SIDT1: variants seen among roughly 807,000 people sequenced by gnomAD.
SIDT1 encodes SID1 transmembrane family member 1, also known as SID1 transmembrane family, member 1.
Under a neutral mutation model 107.5 loss-of-function variants are expected in SIDT1, and 101 were observed. That is an observed-to-expected ratio of 0.94 (90% CI 0.80 to 1.11). The LOEUF (loss-of-function observed/expected upper bound fraction) is 1.11, where lower values mean the gene tolerates loss of function less well. SIDT1 is among the 50% of genes least tolerant of loss of function. The pLI, the probability that SIDT1 is intolerant of heterozygous loss-of-function variation, is 0.00. For synonymous variants in SIDT1, 395 were observed against 398.2 expected (o/e 0.99, Z 0.10); for missense variants, 1,076 against 1,058.2 (o/e 1.02, Z -0.23).
chr3:113,553,535 AAAT>A (rs1245824641), intron 1 of SIDT1, among the ~76,000 whole-genome samples: 1 of 152,216 alleles, frequency 6.6e-6, no homozygotes, highest in Admixed American at 6.5e-5. Flanking sequence ...CAAACCAGAA[AAAT>A]AATTATTTTT....
In SIDT1 at chr3:113,607,105, G is replaced by A. The variant is rs1294118423; in HGVS notation, c.1469G>A (p.Gly490Asp). 1 of 1,610,434 alleles carries A rather than the reference G, an allele frequency of 6.2e-7. No individual in the cohort carries two copies. The highest frequency in any genetic ancestry group is 1.7e-5 in the Admixed American group (1 of 59,996). Reference sequence around the variant, plus strand: ...AACTTCCTCTGTGCTCACCCCTTGGGCGTCCTGAGGTAAACCCAGTCCTCT... The same window carrying A: ...AACTTCCTCTGTGCTCACCCCTTGGACGTCCTGAGGTAAACCCAGTCCTCT... ...YYNFLCAHPLGVLSAFNNILS... is the reference protein window; with the variant it reads ...YYNFLCAHPLDVLSAFNNILS... The change falls in exon 15 of 25, where the codon GGC (glycine) becomes GAC (aspartate). Residue 490 changes from glycine (G) to aspartate (D), a missense_variant. Transcript: ENST00000264852.
chr3:113,594,470 A>G (rs1315862361), intron 10 of SIDT1, among the ~76,000 whole-genome samples: 1 of 152,112 alleles, frequency 6.6e-6, no homozygotes, highest in Non-Finnish European at 1.5e-5. Context: ...CCTACATCCA[A>G]TCGATTGAAT....
At chr3:113,622,463 C>CAAAAA (rs765265068) in intron 21 of SIDT1, among the ~76,000 whole-genome samples, 1 of 57,988 alleles carries the variant, frequency 1.7e-5, no homozygotes, top group Admixed American at 2.4e-4. Context: ...GACTCCATCT[C>CAAAAA]AAAAAAAAAA....
At chr3:113,538,807 A>G (rs1306487330) in intron 1 of SIDT1, among the ~76,000 whole-genome samples, 1 of 152,208 alleles carries the variant, frequency 6.6e-6, no homozygotes, top group Non-Finnish European at 1.5e-5. Flanking sequence ...CGGCAGAAAG[A>G]AAGGGGAAAG....
chr3:113,612,368 G>A (rs749085289), intron 19 of SIDT1, 174 bp downstream of exon 19: 7 of 672,690 alleles, frequency 1.0e-5, no homozygotes. Context: ...CTCCCTTATA[G>A]GATAGTGATA....
intron 1 of SIDT1, among the ~76,000 whole-genome samples, chr3:113,544,203 GTTT>G (rs1939298088): frequency 8.7e-6 from 1 of 114,846 alleles, no homozygotes; most frequent in Non-Finnish European, 1.7e-5. Flanking sequence ...TTGTTTGTTT[GTTT>G]GTTTAAATGG....
chr3:113,538,746 T>C (rs1938473981), intron 1 of SIDT1, among the ~76,000 whole-genome samples: 1 of 152,206 alleles, frequency 6.6e-6, no homozygotes, highest in Admixed American at 6.5e-5. Context: ...CATAGCTTTG[T>C]TGGAGGAAAT....
intron 1 of SIDT1, among the ~76,000 whole-genome samples, chr3:113,562,700 G>A (rs1941542941): frequency 6.6e-6 from 1 of 152,196 alleles, no homozygotes; most frequent in Admixed American, 6.5e-5. Flanking sequence ...AGGGACTGGG[G>A]GAAGGAAGGA....
chr3:113,547,498 G>A (rs1273962515), intron 1 of SIDT1, among the ~76,000 whole-genome samples: 2 of 151,932 alleles, frequency 1.3e-5, no homozygotes, highest in Non-Finnish European at 2.9e-5. Flanking sequence ...TTTTTGCTGT[G>A]ACAATAATAA....
rs865975250 is a variant in SIDT1, at chr3:113,532,736, G to C, written c.-286G>C. ...GGGGGGATTCTCGGCGATGAGAAAC[G>C]GGGGACTTAGAAGCCGGAGGAAAAT... On this transcript the variant is annotated 5_prime_UTR_variant, in exon 1 of 25. Coordinates refer to ENST00000264852, the MANE Select transcript of SIDT1 (RefSeq NM_017699.3). The C allele has an allele frequency of 5.5e-5, 19 of 344,598 alleles. No individual in the cohort carries two copies. In the South Asian group the frequency reaches 2.7e-3, roughly 50 times the overall value. The allele number at this position is 344,598 out of a possible 1,614,324, so 21.3% of individuals were successfully genotyped here.
intron 6 of SIDT1, 121 bp downstream of exon 6, chr3:113,581,565 T>G: frequency 2.5e-6 from 2 of 798,642 alleles, no homozygotes. Flanking sequence ...CCTTCCTTTC[T>G]GATTGGTTTA....
chr3:113,567,838 C>T (rs1349975281), intron 3 of SIDT1, 128 bp downstream of exon 3: 37 of 892,200 alleles, frequency 4.1e-5, no homozygotes, highest in Non-Finnish European at 5.8e-5. Flanking sequence ...TTTAGCACTT[C>T]CTGAACTCTC....
chr3:113,611,250 T>A, intron 18 of SIDT1, 106 bp downstream of exon 18: 1 of 1,321,818 alleles, frequency 7.6e-7, no homozygotes, highest in Middle Eastern at 2.1e-4. Context: ...AAATCCTCAG[T>A]TCATGACACA....
At chr3:113,567,798 T>C in intron 3 of SIDT1, 88 bp downstream of exon 3, 3 of 1,339,142 alleles carry the variant, frequency 2.2e-6, no homozygotes, top group Admixed American at 4.0e-5. Context: ...ACTGGTACTC[T>C]GGAAGGAAAT....
chr3:113,590,616 A>G (rs1175589934), intron 9 of SIDT1, among the ~76,000 whole-genome samples: 2 of 152,256 alleles, frequency 1.3e-5, no homozygotes, highest in Non-Finnish European at 2.9e-5. Context: ...GAGTTTAACA[A>G]GATTTCTTGA....
intron 14 of SIDT1, 112 bp downstream of exon 14, chr3:113,605,088 C>A: frequency 9.1e-6 from 9 of 991,200 alleles, no homozygotes; most frequent in African/African-American, 3.2e-5. Context: ...AGGAATTTCC[C>A]ATTGGGGTTC....
At chr3:113,534,041 C>T (rs1331988574) in intron 1 of SIDT1, among the ~76,000 whole-genome samples, 1 of 152,036 alleles carries the variant, frequency 6.6e-6, no homozygotes, top group Non-Finnish European at 1.5e-5. Flanking sequence ...TAGTGTGGTA[C>T]CTCTGGAGCA....
At chr3:113,632,109 A>G (rs1325079172), downstream of SIDT1, among the ~76,000 whole-genome samples, 1 of 152,174 alleles carries the variant, frequency 6.6e-6, no homozygotes, top group Non-Finnish European at 1.5e-5. Flanking sequence ...ATTTCAGTCA[A>G]GTGCTAAATA....
At chr3:113,618,199 C>T (rs1272773651) in intron 20 of SIDT1, among the ~76,000 whole-genome samples, 1 of 152,204 alleles carries the variant, frequency 6.6e-6, no homozygotes, top group South Asian at 2.1e-4. Flanking sequence ...ATACTGCCTT[C>T]TTCCACTTAG....
Sources: gnomAD v4.1 joint callset for allele counts (sites outside exome capture counted in the v4.1 genomes callset) on GRCh38, gnomAD v4.1.1 for gene constraint, MANE v1.5 for transcripts, NCBI Gene and HGNC (gene_info 2026-07-23, HGNC 2026-07-21) for gene names.